The following PTK2 variants were observed in gnomAD, a reference collection of about 807,000 sequenced individuals.
PTK2 encodes the protein focal adhesion kinase 1.
A neutral mutation model predicts 150.1 loss-of-function variants in PTK2; 45 were observed. That is an observed-to-expected ratio of 0.30 (90% CI 0.24 to 0.38). PTK2 has a LOEUF of 0.38. Among genes scored for constraint, PTK2 ranks in the 10% least tolerant of loss-of-function variants. The pLI, the probability that PTK2 is intolerant of heterozygous loss-of-function variation, is 1.00. For synonymous variants in PTK2, 432 were observed against 449.2 expected (o/e 0.96, Z 0.48); for missense variants, 919 against 1,307.3 (o/e 0.70, Z 4.58).
At chr8:140,769,211 A>T (rs2100074168) in intron 14 of PTK2, among the ~76,000 whole-genome samples, 1 of 152,180 alleles carries the variant, frequency 6.6e-6, no homozygotes, top group Non-Finnish European at 1.5e-5. Context: ...CAAACTAAGA[A>T]TTATCACACA....
chr8:140,691,204 G>GC (rs1328249446), intron 26 of PTK2, among the ~76,000 whole-genome samples: 1 of 146,926 alleles, frequency 6.8e-6, no homozygotes, highest in Admixed American at 6.8e-5. Flanking sequence ...TGGGGGTGGG[G>GC]GGTCTCACTA....
chr8:140,691,165 A>G (rs1454506949), intron 26 of PTK2, among the ~76,000 whole-genome samples: 1 of 144,260 alleles, frequency 6.9e-6, no homozygotes. Context: ...CCTGGGACAG[A>G]TTTCTTTTCT....
intron 20 of PTK2, among the ~76,000 whole-genome samples, chr8:140,742,949 A>G (rs1207318422): frequency 3.9e-5 from 6 of 152,122 alleles, no homozygotes; most frequent in African/African-American, 1.2e-4. Context: ...GATGCTAAAT[A>G]TTTACTCGTG....
intron 7 of PTK2, chr8:140,832,793 A>G (rs2100116263): frequency 1.2e-5 from 6 of 518,174 alleles, no homozygotes; most frequent in South Asian, 7.0e-5. Flanking sequence ...TGTTTTAGAC[A>G]TGTGAGGGCC....
At chr8:140,839,111 A>G (rs2100120689) in intron 7 of PTK2, among the ~76,000 whole-genome samples, 1 of 152,216 alleles carries the variant, frequency 6.6e-6, no homozygotes, top group Non-Finnish European at 1.5e-5. Flanking sequence ...GGTGATAAAC[A>G]TGCCGGTTTC....
chr8:140,670,948 T>G (rs1258484494), intron 29 of PTK2, among the ~76,000 whole-genome samples: 1 of 152,230 alleles, frequency 6.6e-6, no homozygotes, highest in Non-Finnish European at 1.5e-5. Flanking sequence ...GGCACTGTCA[T>G]AATGCTTCTA....
In PTK2 at chr8:140,810,007, G is replaced by A. The variant is rs114389741; in HGVS notation, c.868-6357C>T. 2.3e-3 allele frequency among the ~76,000 whole-genome samples: 343 copies of A among 152,290 alleles called. 5 individuals carry two copies. The highest frequency in any genetic ancestry group is 7.7e-3 in the African/African-American group (318 of 41,550). ...GGATGAAGGAAAGACACAGAAGCTG[G>A]GCTGAAGGGGGAGGAAGCTGGGAAC... is the stretch of plus-strand genomic sequence containing the variant. On this transcript the variant is annotated intron_variant, in intron 10 of 31. Transcript: ENST00000522684.
chr8:140,749,327 G>A (rs192783114), intron 17 of PTK2, among the ~76,000 whole-genome samples: 15 of 152,230 alleles, frequency 9.9e-5, no homozygotes, highest in African/African-American at 3.6e-4. Context: ...TTTACTGTAA[G>A]TAACTATTTA....
In PTK2 at chr8:140,994,671, T is replaced by C. The variant is rs897911434; in HGVS notation, c.-122+6454A>G. ...CTTCGATGTTACTACTGTAGTTGTT[T>C]TGGGGGGACCATGACCTGTACCCAC... On this transcript the variant is annotated intron_variant, in intron 1 of 31. Transcript: ENST00000522684. 5.3e-5 allele frequency among the ~76,000 whole-genome samples: 8 copies of C among 152,170 alleles called. 1 individual carries two copies. In the East Asian group the frequency reaches 1.5e-3, roughly 29 times the overall value.
chr8:140,990,266 CCT>C (rs2100195202), intron 1 of PTK2, among the ~76,000 whole-genome samples: 2 of 151,566 alleles, frequency 1.3e-5, no homozygotes, highest in Non-Finnish European at 1.5e-5. Flanking sequence ...ACAGGGTCTC[CCT>C]CTGTCACCCA....
chr8:140,897,938 TCA>T (rs1257196623), intron 2 of PTK2, among the ~76,000 whole-genome samples: 6 of 152,364 alleles, frequency 3.9e-5, no homozygotes, highest in African/African-American at 1.4e-4. Context: ...GATTAATTAT[TCA>T]CAGAGATCTG....
At chr8:140,715,958 TGAA>T (rs372422584) in intron 23 of PTK2, among the ~76,000 whole-genome samples, 1 of 152,256 alleles carries the variant, frequency 6.6e-6, no homozygotes, top group African/African-American at 2.4e-5. Context: ...AATGTGTAGA[TGAA>T]GAGTTGATTT....
chr8:140,771,623 A>G (rs1774813577), intron 14 of PTK2, among the ~76,000 whole-genome samples: 1 of 152,192 alleles, frequency 6.6e-6, no homozygotes, highest in Non-Finnish European at 1.5e-5. Flanking sequence ...ATAAAGAAAG[A>G]TCAGAAGTAT....
chr8:140,741,018 C>T (rs1368234156), intron 20 of PTK2, among the ~76,000 whole-genome samples: 1 of 152,242 alleles, frequency 6.6e-6, no homozygotes. Context: ...GTGGTGTGTG[C>T]CTGTGGTCCC....
At chr8:140,669,694 C>G in intron 29 of PTK2, 33 bp downstream of exon 33, 1 of 1,530,696 alleles carries the variant, frequency 6.5e-7, no homozygotes. Context: ...ATAGAGAGAG[C>G]TGGACAGACA....
intron 1 of PTK2, among the ~76,000 whole-genome samples, chr8:140,956,230 A>G (rs184428608): frequency 1.3e-5 from 2 of 152,378 alleles, no homozygotes; most frequent in East Asian, 3.9e-4. Flanking sequence ...CACTTGCTAA[A>G]GCTTCCAAAG....
intron 1 of PTK2, among the ~76,000 whole-genome samples, chr8:140,938,975 C>T (rs1329948822): frequency 7.2e-6 from 1 of 138,018 alleles, no homozygotes; most frequent in Non-Finnish European, 1.7e-5. Flanking sequence ...AGACCCCATT[C>T]TCAGTATTTT....
At chr8:140,961,838 TA>T (rs1408242050) in intron 1 of PTK2, among the ~76,000 whole-genome samples, 1 of 152,220 alleles carries the variant, frequency 6.6e-6, no homozygotes, top group Admixed American at 6.5e-5. Flanking sequence ...TTTATAGGTT[TA>T]ATTCTTTTAA....
intron 9 of PTK2, 57 bp downstream of exon 9, chr8:140,818,823 G>A: frequency 1.3e-6 from 2 of 1,554,576 alleles, no homozygotes; most frequent in African/African-American, 2.8e-5. Flanking sequence ...TATACAGCAA[G>A]AGACAAGAAA....
Sources: allele counts gnomAD v4.1 joint callset (sites outside exome capture counted in the v4.1 genomes callset), GRCh38; gene constraint gnomAD v4.1.1; transcripts MANE v1.5; gene names NCBI Gene and HGNC (gene_info 2026-07-23, HGNC 2026-07-21).